The following PARP8 variants were observed in gnomAD, a reference collection of about 807,000 sequenced individuals.
PARP8 encodes poly(ADP-ribose) polymerase family member 8, also known as protein mono-ADP-ribosyltransferase PARP8.
PARP8 carries 51 observed loss-of-function variants against 124.1 expected under a neutral mutation model. The observed-to-expected ratio is 0.41, with a 90% CI of 0.33 to 0.52. PARP8 has a LOEUF of 0.52. Among genes scored for constraint, PARP8 ranks in the 20% least tolerant of loss-of-function variants. PARP8 has a pLI of 0.21. For synonymous variants in PARP8, 391 were observed against 361.5 expected (o/e 1.08, Z -0.93); for missense variants, 860 against 1,018.9 (o/e 0.84, Z 2.12).
At chr5:50,703,453 C>T (rs1248440775) in intron 2 of PARP8, among the ~76,000 whole-genome samples, 1 of 152,022 alleles carries the variant, frequency 6.6e-6, no homozygotes, top group Admixed American at 6.6e-5. Flanking sequence ...TCAATGAGAT[C>T]ATTTCTTGGA....
chr5:50,790,472 A>G (rs922039669), intron 10 of PARP8, among the ~76,000 whole-genome samples: 7 of 151,912 alleles, frequency 4.6e-5, no homozygotes, highest in Admixed American at 6.6e-5. Flanking sequence ...TTTTTTTTAT[A>G]CTATGATTTT....
intron 15 of PARP8, among the ~76,000 whole-genome samples, chr5:50,815,766 A>C (rs564406375): frequency 5.3e-5 from 8 of 152,304 alleles, no homozygotes; most frequent in Middle Eastern, 3.4e-3. Context: ...CATGAAAAAT[A>C]ATTCTAATTT....
At chr5:50,774,527 G>A (rs1251769971) in intron 7 of PARP8, among the ~76,000 whole-genome samples, 1 of 138,944 alleles carries the variant, frequency 7.2e-6, no homozygotes, top group African/African-American at 2.7e-5. Context: ...AGACGGGGTG[G>A]CCGGGCAGAG....
intron 12 of PARP8, among the ~76,000 whole-genome samples, chr5:50,795,758 G>T (rs1742468978): frequency 1.3e-5 from 2 of 152,208 alleles, no homozygotes; most frequent in Admixed American, 1.3e-4. Context: ...CATTAAGTAG[G>T]TGTATCTAAT....
intron 7 of PARP8, among the ~76,000 whole-genome samples, chr5:50,763,920 G>A (rs1361137918): frequency 3.3e-5 from 5 of 151,882 alleles, no homozygotes; most frequent in Admixed American, 6.6e-5. Flanking sequence ...GACCCCTTTC[G>A]TAGCCTGACC....
At chr5:50,763,060 A>C in intron 6 of PARP8, 88 bp from the exon 7 acceptor site, 5 of 929,196 alleles carry the variant, frequency 5.4e-6, no homozygotes, top group Non-Finnish European at 6.8e-6. Flanking sequence ...CCATGGCAAA[A>C]TGCACAGGGA....
intron 3 of PARP8, among the ~76,000 whole-genome samples, chr5:50,754,933 A>G (rs951726727): frequency 1.1e-4 from 16 of 152,178 alleles, no homozygotes; most frequent in Non-Finnish European, 2.1e-4. Flanking sequence ...TCTGATGGCC[A>G]GTGATGATGA....
chr5:50,751,561 T>C (rs113335084), intron 3 of PARP8, among the ~76,000 whole-genome samples: 3 of 152,238 alleles, frequency 2.0e-5, no homozygotes, highest in African/African-American at 7.2e-5. Flanking sequence ...ATGTAACCAG[T>C]ATATCAAAAT....
At chr5:50,804,071 G>T (rs192730829) in intron 14 of PARP8, among the ~76,000 whole-genome samples, 158 of 152,188 alleles carry the variant, frequency 1.0e-3, no homozygotes, top group African/African-American at 3.8e-3. Context: ...TGGCCTTCTG[G>T]ATTTCCAGAA....
chr5:50,721,585 C>T (rs1469444229), intron 2 of PARP8, among the ~76,000 whole-genome samples: 1 of 152,016 alleles, frequency 6.6e-6, no homozygotes, highest in Admixed American at 6.6e-5. Flanking sequence ...TTGTTCTGTG[C>T]CTTTCATTTC....
In PARP8 at chr5:50,790,641, C is replaced by T. The variant is rs542208809; in HGVS notation, c.737+2052C>T. On this transcript the variant is annotated intron_variant, in intron 10 of 25. Coordinates refer to ENST00000281631, the MANE Select transcript of PARP8 (RefSeq NM_024615.4). ...GTCTAGGAATAAATAGCTTTCTACC[C>T]TTAGTGGCTTCTGGGTACATTACAT... Among the ~76,000 whole-genome samples the T allele has an allele frequency of 5.3e-5, 8 of 152,204 alleles. No individual in the cohort carries two copies. In the East Asian group the frequency reaches 1.5e-3, roughly 29 times the overall value.
Position 50,796,956 on chromosome 5 carries a change from A to T in PARP8, c.1429-26A>T, listed in dbSNP as rs750640596. 7 of 1,564,488 alleles carry T rather than the reference A, an allele frequency of 4.5e-6. No individual in the cohort carries two copies. In the East Asian group the frequency reaches 1.1e-4, roughly 26 times the overall value. On this transcript the variant is annotated intron_variant, in intron 12 of 25. Transcript: ENST00000281631. ...CATTTTTACATTTAAAAAAATTATC[A>T]TTTTTTTTTACTTTGCTTTTTATAG...
chr5:50,775,016 C>T (rs545974282), intron 7 of PARP8, among the ~76,000 whole-genome samples: 60 of 148,122 alleles, frequency 4.1e-4, no homozygotes, highest in Non-Finnish European at 4.9e-4. Flanking sequence ...CAGGCAGAGA[C>T]GCTCCTCACT....
At chr5:50,771,002 T>G (rs559040310) in intron 7 of PARP8, among the ~76,000 whole-genome samples, 1 of 151,980 alleles carries the variant, frequency 6.6e-6, no homozygotes. Context: ...TAAAAATTAA[T>G]TCCTATGTAA....
chr5:50,750,298 T>A, intron 3 of PARP8, 110 bp downstream of exon 3: 1 of 892,252 alleles, frequency 1.1e-6, no homozygotes, highest in Non-Finnish European at 1.8e-6. Context: ...GAAACACTGG[T>A]AGAGGAAGCC....
At chr5:50,814,073 T>G (rs1408803489) in intron 14 of PARP8, among the ~76,000 whole-genome samples, 1 of 152,148 alleles carries the variant, frequency 6.6e-6, no homozygotes, top group Non-Finnish European at 1.5e-5. Flanking sequence ...AGGCCTTTTA[T>G]GATATCTAAG....
chr5:50,703,068 A>G (rs1322158946), intron 2 of PARP8, among the ~76,000 whole-genome samples: 5 of 152,162 alleles, frequency 3.3e-5, no homozygotes, highest in African/African-American at 1.2e-4. Flanking sequence ...TGGGAGGCTG[A>G]GGCGGCAGCA....
intron 2 of PARP8, among the ~76,000 whole-genome samples, chr5:50,736,853 G>C (rs1366578938): frequency 6.6e-6 from 1 of 152,066 alleles, no homozygotes; most frequent in East Asian, 1.9e-4. Flanking sequence ...AAAACCTGCA[G>C]TGAGAGTATT....
intron 2 of PARP8, 57 bp from the exon 3 acceptor site, chr5:50,750,094 A>G: frequency 1.5e-6 from 2 of 1,354,846 alleles, no homozygotes; most frequent in East Asian, 2.3e-5. Flanking sequence ...TTTTTTTTAT[A>G]AAAGCCTGTC....
Sources: gnomAD v4.1 joint callset for allele counts (sites outside exome capture counted in the v4.1 genomes callset) on GRCh38, gnomAD v4.1.1 for gene constraint, MANE v1.5 for transcripts, NCBI Gene and HGNC (gene_info 2026-07-23, HGNC 2026-07-21) for gene names.